Variants in UNC5C observed in about 807,000 individuals in gnomAD.
The protein encoded by UNC5C is unc-5 netrin receptor C, also known as netrin receptor UNC5C.
In UNC5C, 47 loss-of-function variants were observed where a neutral mutation model predicts 99.8. The ratio of observed to expected loss-of-function variants is 0.47; its 90% CI spans 0.37 to 0.60. The LOEUF is 0.60. UNC5C is among the 20% of genes least tolerant of loss of function. The probability of loss-of-function intolerance (pLI) is 0.00; values close to 1 mark genes in which losing one functional copy is unlikely to be tolerated. For missense variants in UNC5C, 1,062 were observed against 1,165.9 expected (o/e 0.91, Z 1.30); for synonymous variants, 487 against 452.2 (o/e 1.08, Z -0.98).
chr4:95,488,072 A>C (rs1289717606), intron 1 of UNC5C, among the ~76,000 whole-genome samples: 1 of 151,740 alleles, frequency 6.6e-6, no homozygotes, highest in Non-Finnish European at 1.5e-5. Flanking sequence ...CACTGGTCCA[A>C]TCAACAAAGC....
chr4:95,176,754 C>T (rs1736368545), intron 14 of UNC5C, among the ~76,000 whole-genome samples: 1 of 152,240 alleles, frequency 6.6e-6, no homozygotes, highest in South Asian at 2.1e-4. Context: ...CCTCCTTGAG[C>T]TGTGGTGGGC....
At chr4:95,429,295 A>G (rs1361862422) in intron 1 of UNC5C, among the ~76,000 whole-genome samples, 2 of 88,652 alleles carry the variant, frequency 2.3e-5, no homozygotes, top group African/African-American at 3.0e-5. Flanking sequence ...AAAAAAAAAA[A>G]AACAAACAAA....
chr4:95,188,375 G>C (rs1736918973), intron 12 of UNC5C, among the ~76,000 whole-genome samples: 1 of 152,186 alleles, frequency 6.6e-6, no homozygotes, highest in Admixed American at 6.5e-5. Context: ...GAGTTAAAGA[G>C]ATCTCAGTCG....
At chr4:95,297,939 G>C (rs1160880388) in intron 3 of UNC5C, among the ~76,000 whole-genome samples, 1 of 152,184 alleles carries the variant, frequency 6.6e-6, no homozygotes, top group East Asian at 1.9e-4. Flanking sequence ...AGATGACTCT[G>C]ATGACTCTGC....
intron 1 of UNC5C, among the ~76,000 whole-genome samples, chr4:95,388,002 C>T (rs1008671674): frequency 6.6e-6 from 1 of 152,134 alleles, no homozygotes; most frequent in Non-Finnish European, 1.5e-5. Flanking sequence ...TGAGTAAGCA[C>T]ATTTGCTTTA....
chr4:95,291,169 A>G lies in UNC5C; in HGVS notation c.490+10437T>C, dbSNP rs371105912. On this transcript the variant is annotated intron_variant, in intron 3 of 15. Coordinates refer to ENST00000453304, the MANE Select transcript of UNC5C (RefSeq NM_003728.4). ...CACTACAGAAAAGAGGAAGAAAAAAAATCCATACAAGCCACTCTTTTATAT... is the reference window on the plus strand; with the variant it reads ...CACTACAGAAAAGAGGAAGAAAAAAGATCCATACAAGCCACTCTTTTATAT... Among the ~76,000 whole-genome samples the G allele has an allele frequency of 1.8e-4, 28 of 152,306 alleles. No individual in the cohort carries two copies. In the South Asian group the frequency reaches 5.4e-3, roughly 29 times the overall value.
chr4:95,445,963 CAAAA>C (rs930528121), intron 1 of UNC5C, among the ~76,000 whole-genome samples: 1 of 84,796 alleles, frequency 1.2e-5, no homozygotes, highest in South Asian at 4.1e-4. Flanking sequence ...AAAGAGCCTG[CAAAA>C]AAAACAAAAC....
rs1161206109 is a variant in UNC5C, at chr4:95,548,740, C to T, written c.118G>A (p.Ala40Thr). The change falls in exon 1 of 16, where the codon GCC (alanine) becomes ACC (threonine). Residue 40 changes from alanine (A) to threonine (T), a missense_variant. By Grantham distance (58) the Ala-to-Thr change is moderately conservative (BLOSUM62 0). Transcript: ENST00000453304. Reference protein sequence around the residue: ...LLSASGTGSAAQDDDFFHELP... With the variant: ...LLSASGTGSATQDDDFFHELP... ...GCTTGGCGGACCCCCTTACCTTGGG[C>T]GGCGGAGCCAGTGCCGCTGGCGCTG... The T allele has an allele frequency of 6.2e-7, 1 of 1,612,352 alleles. No homozygotes were observed. Among genetic ancestry groups the T allele is most frequent in the Non-Finnish European group, 8.5e-7 (1 of 1,179,436 alleles).
intron 4 of UNC5C, among the ~76,000 whole-genome samples, chr4:95,262,606 T>A (rs1740283533): frequency 6.6e-6 from 1 of 152,138 alleles, no homozygotes; most frequent in Non-Finnish European, 1.5e-5. Flanking sequence ...TATCAAAACT[T>A]GTAGTACATT....
At chr4:95,467,258 C>A (rs890663578) in intron 1 of UNC5C, among the ~76,000 whole-genome samples, 2 of 152,156 alleles carry the variant, frequency 1.3e-5, no homozygotes, top group Admixed American at 1.3e-4. Flanking sequence ...TTTTAAGCTG[C>A]TAAATGTTGG....
chr4:95,433,841 A>G (rs7663281), intron 1 of UNC5C, among the ~76,000 whole-genome samples: 14,401 of 152,110 alleles, frequency 0.095, 1,119 homozygotes, highest in African/African-American at 0.21. Context: ...CCAGCCCAGC[A>G]TGCCTACCCA....
chr4:95,295,067 C>T lies in UNC5C; in HGVS notation c.490+6539G>A, dbSNP rs568757660. On this transcript the variant is annotated intron_variant, in intron 3 of 15. Coordinates refer to ENST00000453304, the MANE Select transcript of UNC5C (RefSeq NM_003728.4). ...CCATCATATCCTTACCCCCACAACA[C>T]AATCACAACATTGTCAACAATGGTA... 1.3e-5 allele frequency among the ~76,000 whole-genome samples: 2 copies of T among 152,278 alleles called. 1 individual carries two copies. Among genetic ancestry groups the T allele is most frequent in the South Asian group, 4.1e-4 (2 of 4,822 alleles).
chr4:95,413,202 T>G (rs376437168), intron 1 of UNC5C, among the ~76,000 whole-genome samples: 4 of 152,190 alleles, frequency 2.6e-5, no homozygotes, highest in African/African-American at 9.7e-5. Flanking sequence ...ATAATTTGCT[T>G]TCATAATCCT....
chr4:95,330,939 A>C lies in UNC5C; in HGVS notation c.346+4471T>G, dbSNP rs529558204. 3.9e-5 allele frequency among the ~76,000 whole-genome samples: 6 copies of C among 152,112 alleles called. No homozygotes were observed. In the South Asian group the frequency reaches 1.2e-3, roughly 32 times the overall value. Reference sequence around the variant, plus strand: ...TGAATAACATACACTGTACCTATTAAGTAATTTCTCATTACCAACCCCCCT... The same window carrying C: ...TGAATAACATACACTGTACCTATTACGTAATTTCTCATTACCAACCCCCCT... On this transcript the variant is annotated intron_variant, in intron 2 of 15. Coordinates refer to ENST00000453304, the MANE Select transcript of UNC5C (RefSeq NM_003728.4).
chr4:95,174,808 C>T (rs1260501530), intron 14 of UNC5C, among the ~76,000 whole-genome samples: 2 of 146,122 alleles, frequency 1.4e-5, no homozygotes, highest in Non-Finnish European at 3.0e-5. Context: ...TGTTGACTTT[C>T]TGTCTCATTG....
chr4:95,276,131 C>G (rs769759185), intron 4 of UNC5C, among the ~76,000 whole-genome samples: 9 of 152,060 alleles, frequency 5.9e-5, no homozygotes, highest in Admixed American at 3.9e-4. Context: ...CGTATCTGCT[C>G]CTCTTGAGCA....
intron 1 of UNC5C, among the ~76,000 whole-genome samples, chr4:95,503,394 A>C (rs1721830384): frequency 6.6e-6 from 1 of 152,160 alleles, no homozygotes; most frequent in Non-Finnish European, 1.5e-5. Flanking sequence ...AGCAACACAA[A>C]ATGAACTAAG....
chr4:95,537,364 G>C (rs1050670445), intron 1 of UNC5C, among the ~76,000 whole-genome samples: 1 of 152,136 alleles, frequency 6.6e-6, no homozygotes, highest in African/African-American at 2.4e-5. Context: ...TCTGATAATA[G>C]GGGAGGGGAA....
intron 1 of UNC5C, among the ~76,000 whole-genome samples, chr4:95,377,241 AT>A (rs1744922172): frequency 6.6e-6 from 1 of 152,188 alleles, no homozygotes; most frequent in Admixed American, 6.5e-5. Flanking sequence ...ACTACAGCCA[AT>A]TACTTCCCAT....
Sources: gnomAD v4.1 joint callset for allele counts (sites outside exome capture counted in the v4.1 genomes callset) on GRCh38, gnomAD v4.1.1 for gene constraint, MANE v1.5 for transcripts, NCBI Gene and HGNC (gene_info 2026-07-23, HGNC 2026-07-21) for gene names.